Variants in PTPRD observed in about 807,000 individuals in gnomAD.
PTPRD encodes receptor-type tyrosine-protein phosphatase delta.
PTPRD carries 34 observed loss-of-function variants against 214.5 expected under a neutral mutation model. The ratio of observed to expected loss-of-function variants is 0.16; its 90% CI spans 0.12 to 0.21. The LOEUF is 0.21. Among genes scored for constraint, PTPRD ranks in the 10% least tolerant of loss-of-function variants. The probability of loss-of-function intolerance (pLI) is 1.00; values close to 1 mark genes in which losing one functional copy is unlikely to be tolerated. For missense variants in PTPRD, 2,545 were observed against 2,398.7 expected (o/e 1.06, Z -1.27); for synonymous variants, 1,128 against 845.7 (o/e 1.33, Z -5.79).
chr9:10,031,445 G>A (rs115532088), intron 4 of PTPRD, among the ~76,000 whole-genome samples: 2 of 151,026 alleles, frequency 1.3e-5, no homozygotes, highest in Admixed American at 6.6e-5. Flanking sequence ...GTGAAAAGGC[G>A]AGACTGTCCC....
chr9:10,274,635 C>T (rs1039087561), intron 3 of PTPRD, among the ~76,000 whole-genome samples: 5 of 152,144 alleles, frequency 3.3e-5, no homozygotes, highest in Non-Finnish European at 7.4e-5. Flanking sequence ...AGATATTGCT[C>T]ATAGTTACAA....
chr9:10,316,154 T>C (rs928917554), intron 3 of PTPRD, among the ~76,000 whole-genome samples: 1 of 136,892 alleles, frequency 7.3e-6, no homozygotes, highest in Non-Finnish European at 1.5e-5. Flanking sequence ...CATATGTATA[T>C]ATGTATATCT....
chr9:8,933,378 T>C (rs1567090158), intron 11 of PTPRD, among the ~76,000 whole-genome samples: 1 of 136,436 alleles, frequency 7.3e-6, no homozygotes, highest in Non-Finnish European at 1.6e-5. Context: ...AAAAGGACTC[T>C]AGTATAACAT....
rs142492391 is a variant in PTPRD, at chr9:9,732,150, G to A, written c.-287+2383C>T. ...TACGAGCAGACACACTGATCATGCTGGTCACAGAAGCAGAAATAGTGATGG... is the reference window on the plus strand; with the variant it reads ...TACGAGCAGACACACTGATCATGCTAGTCACAGAAGCAGAAATAGTGATGG... On this transcript the variant is annotated intron_variant, in intron 7 of 45. Transcript: ENST00000381196. 1.4e-3 allele frequency among the ~76,000 whole-genome samples: 206 copies of A among 152,136 alleles called. 1 individual carries two copies. The highest frequency in any genetic ancestry group is 4.6e-3 in the African/African-American group (191 of 41,508).
At chr9:9,811,148 G>C (rs1258129135) in intron 5 of PTPRD, among the ~76,000 whole-genome samples, 1 of 152,110 alleles carries the variant, frequency 6.6e-6, no homozygotes, top group African/African-American at 2.4e-5. Context: ...TGAGGCAAGA[G>C]AGCCGAGATT....
chr9:8,572,573 A>C (rs2091439325), intron 14 of PTPRD, among the ~76,000 whole-genome samples: 1 of 152,068 alleles, frequency 6.6e-6, no homozygotes, highest in South Asian at 2.1e-4. Context: ...CTAAAGCTAA[A>C]AAAAGGAAGA....
At chr9:8,983,346 T>C (rs2099323326) in intron 11 of PTPRD, among the ~76,000 whole-genome samples, 1 of 152,080 alleles carries the variant, frequency 6.6e-6, no homozygotes, top group Non-Finnish European at 1.5e-5. Context: ...AAAAAACCTC[T>C]GATGCCAGTC....
intron 8 of PTPRD, among the ~76,000 whole-genome samples, chr9:9,415,405 C>G (rs561549402): frequency 6.6e-6 from 1 of 152,040 alleles, no homozygotes; most frequent in Non-Finnish European, 1.5e-5. Flanking sequence ...CCCCTAGAAA[C>G]AGAGGTTTCA....
chr9:10,156,552 T>A (rs1592658370), intron 3 of PTPRD, among the ~76,000 whole-genome samples: 1 of 152,194 alleles, frequency 6.6e-6, no homozygotes, highest in African/African-American at 2.4e-5. Flanking sequence ...GTTTTATATA[T>A]GATTGTTTGG....
At chr9:9,795,363 T>C (rs1247819303) in intron 5 of PTPRD, among the ~76,000 whole-genome samples, 1 of 152,168 alleles carries the variant, frequency 6.6e-6, no homozygotes, top group African/African-American at 2.4e-5. Flanking sequence ...CACCCAGCTT[T>C]GAAATACTGT....
intron 5 of PTPRD, among the ~76,000 whole-genome samples, chr9:9,871,714 C>A (rs2065493362): frequency 6.7e-6 from 1 of 150,336 alleles, no homozygotes; most frequent in Non-Finnish European, 1.5e-5. Flanking sequence ...TGCAACCTAA[C>A]CTCTTTGGAC....
intron 7 of PTPRD, among the ~76,000 whole-genome samples, chr9:9,639,296 T>C (rs908983150): frequency 2.0e-5 from 3 of 152,212 alleles, no homozygotes; most frequent in Non-Finnish European, 4.4e-5. Context: ...GTTTAGTGCC[T>C]ACATTTTATA....
chr9:8,907,533 A>AAT lies in PTPRD; in HGVS notation c.-104+111162_-104+111163dup, dbSNP rs1555505761. On this transcript the variant is annotated intron_variant, in intron 11 of 45. Transcript: ENST00000381196. ...ACTCCGTCTCAAAAAAAAAAAAAAA[A>AAT]ATATATATATATATATATATAAAGA... 3.0e-3 allele frequency among the ~76,000 whole-genome samples: 357 copies of AAT among 118,168 alleles called. 6 individuals are homozygous for AAT. The highest frequency in any genetic ancestry group is 0.01 in the African/African-American group (301 of 30,062). 77.5% of individuals were successfully genotyped at this position (118,168 alleles called of 152,430 possible).
chr9:9,265,590 T>C (rs959024308), intron 9 of PTPRD, among the ~76,000 whole-genome samples: 2 of 151,466 alleles, frequency 1.3e-5, no homozygotes, highest in Non-Finnish European at 3.0e-5. Context: ...GACATGTATC[T>C]AGGGAGATGA....
At chr9:9,813,669 C>T (rs116839421) in intron 5 of PTPRD, among the ~76,000 whole-genome samples, 30 of 152,128 alleles carry the variant, frequency 2.0e-4, no homozygotes, top group Non-Finnish European at 3.1e-4. Context: ...AACGTCCTCA[C>T]GAATGAATTC....
intron 10 of PTPRD, among the ~76,000 whole-genome samples, chr9:9,134,160 C>T (rs2099847259): frequency 7.2e-6 from 1 of 137,960 alleles, no homozygotes; most frequent in African/African-American, 3.2e-5. Flanking sequence ...GCAAGCTCCG[C>T]TTCCCGGGTT....
intron 11 of PTPRD, among the ~76,000 whole-genome samples, chr9:8,862,813 G>A (rs947462827): frequency 1.3e-5 from 2 of 151,890 alleles, no homozygotes; most frequent in South Asian, 2.1e-4. Context: ...GTAAACTATC[G>A]CAAGAACAAA....
chr9:9,937,762 G>A (rs1385434662), intron 5 of PTPRD, among the ~76,000 whole-genome samples: 1 of 152,102 alleles, frequency 6.6e-6, no homozygotes, highest in Non-Finnish European at 1.5e-5. Flanking sequence ...CATAAGTTAT[G>A]TGTAGGCCCA....
At chr9:10,607,248 C>T (rs1309929093) in intron 2 of PTPRD, among the ~76,000 whole-genome samples, 2 of 151,788 alleles carry the variant, frequency 1.3e-5, no homozygotes, top group Non-Finnish European at 2.9e-5. Flanking sequence ...TTAGAAAATA[C>T]ATGGACTCAT....
Sources: gnomAD v4.1 joint callset for allele counts (sites outside exome capture counted in the v4.1 genomes callset) on GRCh38, gnomAD v4.1.1 for gene constraint, MANE v1.5 for transcripts, NCBI Gene and HGNC (gene_info 2026-07-23, HGNC 2026-07-21) for gene names.